The following PTN variants were observed in gnomAD, a reference collection of about 807,000 sequenced individuals.
PTN encodes the protein pleiotrophin.
Under a neutral mutation model 24.1 loss-of-function variants are expected in PTN, and 18 were observed. That is an observed-to-expected ratio of 0.75 (90% confidence interval 0.52 to 1.11). PTN has a LOEUF of 1.11. Ranked by LOEUF, PTN falls within the 50% of genes least tolerant of loss-of-function variation. PTN has a pLI of 0.00. For synonymous variants in PTN, 78 were observed against 68.6 expected, an observed-to-expected ratio of 1.14 and a Z score of -0.67; for missense variants, 163 against 198.8, an observed-to-expected ratio of 0.82 and a Z score of 1.08.
chr7:137,263,375 A>G (rs901974338), intron 1 of PTN, among the ~76,000 whole-genome samples: 2 of 152,198 alleles, frequency 1.3e-5, no homozygotes, highest in African/African-American at 4.8e-5. Flanking sequence ...CTATGTGTAG[A>G]CAGTAACTAG....
At chr7:137,257,414 G>A (rs1440687645) in intron 1 of PTN, among the ~76,000 whole-genome samples, 3 of 152,164 alleles carry the variant, frequency 2.0e-5, no homozygotes, top group African/African-American at 7.2e-5. Flanking sequence ...TTTTAATTGG[G>A]TGTGAATGGT....
chr7:137,262,066 T>C (rs1809049316), intron 1 of PTN, among the ~76,000 whole-genome samples: 1 of 152,180 alleles, frequency 6.6e-6, no homozygotes, highest in Non-Finnish European at 1.5e-5. Context: ...TCTATGACTA[T>C]TCAGAATCTA....
chr7:137,320,839 C>T (rs1810151352), intron 1 of PTN, among the ~76,000 whole-genome samples: 4 of 152,142 alleles, frequency 2.6e-5, no homozygotes, highest in Admixed American at 2.6e-4. Flanking sequence ...TCATTGTCAA[C>T]CTGCCCTACA....
intron 1 of PTN, among the ~76,000 whole-genome samples, chr7:137,260,717 A>C (rs1426857993): frequency 1.3e-5 from 2 of 152,132 alleles, no homozygotes; most frequent in African/African-American, 2.4e-5. Flanking sequence ...TGGCAGTTGG[A>C]TGCAGAGGCT....
chr7:137,283,281 T>C (rs898934005), intron 1 of PTN, among the ~76,000 whole-genome samples: 1 of 152,214 alleles, frequency 6.6e-6, no homozygotes, highest in Non-Finnish European at 1.5e-5. Context: ...GCCATTTGGA[T>C]TGAAGTTAGC....
At chr7:137,332,796 T>A (rs922224934) in intron 1 of PTN, among the ~76,000 whole-genome samples, 15 of 152,140 alleles carry the variant, frequency 9.9e-5, no homozygotes, top group African/African-American at 3.6e-4. Context: ...AATCTGATGT[T>A]CATAAGCTCA....
intron 1 of PTN, among the ~76,000 whole-genome samples, chr7:137,267,796 G>A (rs1343410570): frequency 6.6e-6 from 1 of 151,966 alleles, no homozygotes; most frequent in African/African-American, 2.4e-5. Flanking sequence ...ACCAAAATCG[G>A]AGTATCAGGA....
chr7:137,313,981 G>A (rs1810027388), intron 1 of PTN, among the ~76,000 whole-genome samples: 1 of 152,138 alleles, frequency 6.6e-6, no homozygotes, highest in African/African-American at 2.4e-5. Flanking sequence ...AAGGGTCTGA[G>A]AAATCACATT....
At chr7:137,265,996 C>G (rs1477093129) in intron 1 of PTN, among the ~76,000 whole-genome samples, 1 of 151,930 alleles carries the variant, frequency 6.6e-6, no homozygotes, top group African/African-American at 2.4e-5. Flanking sequence ...CTAAATTTTA[C>G]TTTTATATTA....
chr7:137,327,537 C>T (rs1810282862), intron 1 of PTN, among the ~76,000 whole-genome samples: 1 of 152,072 alleles, frequency 6.6e-6, no homozygotes, highest in Non-Finnish European at 1.5e-5. Context: ...GAAAATCCTA[C>T]CCTTTCCCAG....
chr7:137,330,737 G>C (rs542669767), intron 1 of PTN, among the ~76,000 whole-genome samples: 4 of 152,196 alleles, frequency 2.6e-5, no homozygotes, highest in Non-Finnish European at 5.9e-5. Flanking sequence ...GCTTTGTCTT[G>C]AAACACTCCC....
intron 1 of PTN, among the ~76,000 whole-genome samples, chr7:137,297,475 G>C (rs1345680617): frequency 6.6e-6 from 1 of 152,006 alleles, no homozygotes; most frequent in Non-Finnish European, 1.5e-5. Context: ...GCTGAGTTAA[G>C]GAATACCAAG....
intron 1 of PTN, among the ~76,000 whole-genome samples, chr7:137,292,715 A>G (rs1272721025): frequency 2.0e-5 from 3 of 152,196 alleles, no homozygotes; most frequent in Non-Finnish European, 4.4e-5. Flanking sequence ...AATAATGACA[A>G]GAACAAAAGT....
chr7:137,331,054 T>C (rs1810350397), intron 1 of PTN, among the ~76,000 whole-genome samples: 1 of 152,222 alleles, frequency 6.6e-6, no homozygotes, highest in African/African-American at 2.4e-5. Context: ...ATGTTTTCTC[T>C]AAAGCCTCAG....
At chr7:137,320,597 T>C (rs1037873981) in intron 1 of PTN, among the ~76,000 whole-genome samples, 21 of 152,284 alleles carry the variant, frequency 1.4e-4, no homozygotes, top group African/African-American at 4.3e-4. Context: ...TGGGAAGGTG[T>C]TTAGATAGGA....
intron 1 of PTN, among the ~76,000 whole-genome samples, chr7:137,316,470 A>T (rs1051200736): frequency 6.6e-6 from 1 of 152,168 alleles, no homozygotes; most frequent in African/African-American, 2.4e-5. Flanking sequence ...TTCAGACTGA[A>T]GCATTTTTCA....
chr7:137,330,451 A>G (rs1258327150), intron 1 of PTN, among the ~76,000 whole-genome samples: 1 of 152,202 alleles, frequency 6.6e-6, no homozygotes, highest in Non-Finnish European at 1.5e-5. Context: ...TCAAGGCAGA[A>G]AGCCAGCCCC....
Position 137,343,539 on chromosome 7 carries a change from C to A in PTN, c.-102G>T, listed in dbSNP as rs771959029. On this transcript the variant is annotated 5_prime_UTR_variant, in exon 1 of 5. Coordinates refer to ENST00000348225, the MANE Select transcript of PTN (RefSeq NM_002825.7). ...GGTACCCGGCTCGCTGCAGCTCCTGCTTGGGCCGCTGCTGCTCTCCCCGCC... is the reference window on the plus strand; with the variant it reads ...GGTACCCGGCTCGCTGCAGCTCCTGATTGGGCCGCTGCTGCTCTCCCCGCC... 1.9e-6 allele frequency: 1 copy of A among 519,004 alleles called. No homozygotes were observed. Among genetic ancestry groups the A allele is most frequent in the East Asian group, 5.5e-5 (1 of 18,326 alleles). 32.1% of individuals were successfully genotyped at this position (519,004 alleles called of 1,614,324 possible).
intron 1 of PTN, among the ~76,000 whole-genome samples, chr7:137,294,723 A>G (rs959816862): frequency 6.6e-6 from 1 of 152,124 alleles, no homozygotes; most frequent in African/African-American, 2.4e-5. Flanking sequence ...TGGCATGTGT[A>G]TTTGTACATT....
Sources: gnomAD v4.1 joint callset for allele counts (sites outside exome capture counted in the v4.1 genomes callset) on GRCh38, gnomAD v4.1.1 for gene constraint, MANE v1.5 for transcripts, NCBI Gene and HGNC (gene_info 2026-07-23, HGNC 2026-07-21) for gene names.